The following AGMO variants were observed in gnomAD, a reference collection of about 807,000 sequenced individuals.
The protein encoded by AGMO is glyceryl-ether monooxygenase.
In AGMO, 75 loss-of-function variants were observed where a neutral mutation model predicts 60.2. That is an observed-to-expected ratio of 1.25 (90% CI 1.03 to 1.51). AGMO has a LOEUF of 1.51. AGMO is among the 40% of genes most tolerant of loss of function. AGMO has a pLI of 0.00. For missense variants in AGMO, 763 were observed against 525.5 expected (o/e 1.45, Z -4.42); for synonymous variants, 261 against 177.1 (o/e 1.47, Z -3.76).
intron 12 of AGMO, among the ~76,000 whole-genome samples, chr7:15,365,191 C>G (rs772467379): frequency 6.6e-6 from 1 of 151,770 alleles, no homozygotes; most frequent in East Asian, 1.9e-4. Context: ...CCAAAAACTT[C>G]TTGTAAAATC....
At chr7:15,259,796 T>A (rs1166275266) in intron 12 of AGMO, among the ~76,000 whole-genome samples, 8 of 145,394 alleles carry the variant, frequency 5.5e-5, no homozygotes, top group African/African-American at 7.6e-5. Flanking sequence ...GAATTTTGTA[T>A]CCAGCAAAAC....
rs780649733 is a variant in AGMO at position 15,313,825 on chromosome 7, A to T, written c.1263+51689T>A. 1.7e-4 allele frequency among the ~76,000 whole-genome samples: 26 copies of T among 152,238 alleles called. No individual in the cohort carries two copies. In the South Asian group the frequency reaches 2.7e-3, roughly 16 times the overall value. ...TAATAACAATAACTAATAATAACAT[A>T]GTACAATTATAGCAATGTTCTGTAA... On this transcript the variant is annotated intron_variant, in intron 12 of 12. Transcript: ENST00000342526.
intron 12 of AGMO, among the ~76,000 whole-genome samples, chr7:15,255,534 C>CAAA (rs60035165): frequency 0.027 from 3,094 of 115,748 alleles, 118 homozygotes; most frequent in African/African-American, 0.093. Flanking sequence ...TGTAAGAATA[C>CAAA]AAAAAAAAAA....
chr7:15,402,842 G>A (rs1334514210), intron 5 of AGMO, among the ~76,000 whole-genome samples: 1 of 151,466 alleles, frequency 6.6e-6, no homozygotes, highest in Non-Finnish European at 1.5e-5. Context: ...CATAACAAGA[G>A]AGCAAGATGT....
At chr7:15,258,189 C>G (rs188420120) in intron 12 of AGMO, among the ~76,000 whole-genome samples, 14 of 152,190 alleles carry the variant, frequency 9.2e-5, no homozygotes, top group Admixed American at 5.9e-4. Flanking sequence ...TATCTTAATA[C>G]TTTTTTATGG....
rs1410119453 is a variant in AGMO, at chr7:15,455,517, G to A, written c.410-24409C>T. On this transcript the variant is annotated intron_variant, in intron 3 of 12. Transcript: ENST00000342526. ...GGTTTCTTTAATCTCTCTCCTGATG[G>A]TTTTCCTTTTTACAAGATGCCGCTT... is the stretch of plus-strand genomic sequence containing the variant. Among the ~76,000 whole-genome samples, 4 of 151,976 alleles carry A rather than the reference G, an allele frequency of 2.6e-5. No individual in the cohort carries two copies. The East Asian group carries it at 7.7e-4, about 29-fold the overall frequency.
At chr7:15,400,319 A>C (rs889336262) in intron 5 of AGMO, among the ~76,000 whole-genome samples, 1 of 152,162 alleles carries the variant, frequency 6.6e-6, no homozygotes, top group Admixed American at 6.5e-5. Context: ...TTTAGTTGTC[A>C]TAACTGGGAA....
chr7:15,371,798 A>G (rs780626647), intron 10 of AGMO, among the ~76,000 whole-genome samples: 4 of 152,126 alleles, frequency 2.6e-5, no homozygotes, highest in Non-Finnish European at 5.9e-5. Context: ...CAGCCTCCCA[A>G]TGTACTGGGA....
At chr7:15,504,740 A>C (rs1783467147) in intron 3 of AGMO, among the ~76,000 whole-genome samples, 1 of 151,800 alleles carries the variant, frequency 6.6e-6, no homozygotes, top group Non-Finnish European at 1.5e-5. Context: ...GGTTAAAAAA[A>C]AAAGTTGGCA....
At chr7:15,428,243 A>G (rs1015077095) in intron 4 of AGMO, among the ~76,000 whole-genome samples, 7 of 152,090 alleles carry the variant, frequency 4.6e-5, no homozygotes, top group Non-Finnish European at 1.0e-4. Flanking sequence ...TAACCATCAC[A>G]GGCCCTTAAA....
chr7:15,274,605 A>T (rs1379676705), intron 12 of AGMO, among the ~76,000 whole-genome samples: 1 of 151,740 alleles, frequency 6.6e-6, no homozygotes, highest in African/African-American at 2.4e-5. Context: ...CAGTCAAGAA[A>T]GAATCTCTCC....
At chr7:15,334,917 G>C (rs1029586339) in intron 12 of AGMO, among the ~76,000 whole-genome samples, 4 of 152,138 alleles carry the variant, frequency 2.6e-5, no homozygotes, top group South Asian at 4.1e-4. Context: ...AATAAGAGCT[G>C]TCCGAGAGCC....
the AGMO span, among the ~76,000 whole-genome samples, chr7:15,123,308 T>C: frequency 3.3e-5 from 5 of 152,118 alleles, no homozygotes; most frequent in African/African-American, 4.8e-5. Flanking sequence ...CATCCTAAGA[T>C]AGTATACAGT....
At chr7:15,558,806 C>G (rs1218351673) in intron 2 of AGMO, among the ~76,000 whole-genome samples, 1 of 152,020 alleles carries the variant, frequency 6.6e-6, no homozygotes, top group Non-Finnish European at 1.5e-5. Flanking sequence ...AATTATTCCA[C>G]CTTTTTTAGA....
intron 5 of AGMO, among the ~76,000 whole-genome samples, chr7:15,397,212 C>T (rs1784425616): frequency 6.6e-6 from 1 of 152,178 alleles, no homozygotes; most frequent in South Asian, 2.1e-4. Flanking sequence ...CCGTCCTGGC[C>T]TACGACCCCG....
At chr7:15,300,813 G>C (rs1161687794) in intron 12 of AGMO, among the ~76,000 whole-genome samples, 2 of 152,126 alleles carry the variant, frequency 1.3e-5, no homozygotes, top group Non-Finnish European at 2.9e-5. Context: ...ACAAATTACA[G>C]CACTGAACTC....
At chr7:15,547,307 CAG>C (rs1288456280) in intron 2 of AGMO, among the ~76,000 whole-genome samples, 7 of 152,178 alleles carry the variant, frequency 4.6e-5, no homozygotes, top group South Asian at 4.1e-4. Flanking sequence ...AAGATTAAAA[CAG>C]GGAGCCAAGA....
chr7:15,390,483 T>G (rs1784091366), intron 8 of AGMO, among the ~76,000 whole-genome samples, 188 bp downstream of exon 8: 1 of 152,236 alleles, frequency 6.6e-6, no homozygotes, highest in African/African-American at 2.4e-5. Flanking sequence ...TGTTTTAAAA[T>G]GTATTTTGCC....
At chr7:15,343,192 C>G (rs1366708117) in intron 12 of AGMO, among the ~76,000 whole-genome samples, 1 of 152,142 alleles carries the variant, frequency 6.6e-6, no homozygotes, top group African/African-American at 2.4e-5. Flanking sequence ...CCACTCGCCA[C>G]TGTAAAATGA....
Sources: gnomAD v4.1 joint callset for allele counts (sites outside exome capture counted in the v4.1 genomes callset) on GRCh38, gnomAD v4.1.1 for gene constraint, MANE v1.5 for transcripts, NCBI Gene and HGNC (gene_info 2026-07-23, HGNC 2026-07-21) for gene names.